MBD1: variants seen among roughly 807,000 people sequenced by gnomAD.
MBD1 encodes the protein methyl-CpG binding domain protein 1.
Under a neutral mutation model 82.6 loss-of-function variants are expected in MBD1, and 25 were observed. The ratio of observed to expected loss-of-function variants is 0.30; its 90% CI spans 0.22 to 0.42. The LOEUF (loss-of-function observed/expected upper bound fraction) is 0.42, where lower values mean the gene tolerates loss of function less well. MBD1 is among the 10% of genes least tolerant of loss of function. The pLI is 1.00. For synonymous variants in MBD1, 301 were observed against 303.7 expected (o/e 0.99, Z 0.09); for missense variants, 627 against 819.6 (o/e 0.76, Z 2.87).
chr18:50,271,406 A>G, intron 16 of MBD1, 63 bp downstream of exon 16: 2 of 1,612,980 alleles, frequency 1.2e-6, no homozygotes, highest in East Asian at 2.2e-5. Flanking sequence ...CTGGCAACCA[A>G]TCTAGGGTCC....
intron 1 of MBD1, chr18:50,281,071 C>T: frequency 5.5e-6 from 7 of 1,278,310 alleles, no homozygotes; most frequent in South Asian, 1.3e-5. Flanking sequence ...ACCCCCATTT[C>T]TCTCTCAACT....
At chr18:50,279,311 T>C (rs2039307319) in intron 2 of MBD1, among the ~76,000 whole-genome samples, 1 of 152,240 alleles carries the variant, frequency 6.6e-6, no homozygotes, top group South Asian at 2.1e-4. Context: ...CTGAAGCAGC[T>C]TTGTGCACAT....
Position 50,272,838 on chromosome 18 carries a change from C to G in MBD1, c.1702G>C (p.Ala568Pro), listed in dbSNP as rs1374052903. 1 of 1,614,252 alleles carries G rather than the reference C, an allele frequency of 6.2e-7. No homozygotes were observed. The highest frequency in any genetic ancestry group is 1.7e-5 in the Admixed American group (1 of 60,032). Residue 568 changes from alanine (A) to proline (P), a missense_variant, in exon 14 of 17, where the codon GCT becomes CCT. Ala to Pro is a conservative substitution (Grantham distance 27, BLOSUM62 -1). This residue lies in a region of MBD1 where 265 missense variants were observed against 278.4 expected (regional missense o/e 0.95). Coordinates refer to ENST00000269468, the MANE Select transcript of MBD1 (RefSeq NM_015846.4). ...CCAGCACTGACCACGGGTGTGCCAGCCCCTCCTGCCTCTTCCTCTGGGGCC... is the reference window on the plus strand; with the variant it reads ...CCAGCACTGACCACGGGTGTGCCAGGCCCTCCTGCCTCTTCCTCTGGGGCC... ...KLAPEEEAGG[A>P]GTPVITEIFS...
chr18:50,271,341 G>A (rs986322276), intron 16 of MBD1, 128 bp downstream of exon 16: 3 of 1,575,890 alleles, frequency 1.9e-6, no homozygotes, highest in Admixed American at 3.7e-5. Context: ...TCTTAGGCCT[G>A]CTCTTCTGGT....
intron 8 of MBD1, 44 bp from the exon 9 acceptor site, chr18:50,275,289 G>A (rs761530918): frequency 6.8e-6 from 11 of 1,610,040 alleles, no homozygotes; most frequent in South Asian, 1.1e-5. Flanking sequence ...GTGGCACCAG[G>A]CAGACACAGA....
chr18:50,274,595 T>C (rs2036985683), intron 10 of MBD1, among the ~76,000 whole-genome samples: 1 of 152,158 alleles, frequency 6.6e-6, no homozygotes, highest in Non-Finnish European at 1.5e-5. Context: ...CACTACAGTA[T>C]CCACTGCTGT....
intron 6 of MBD1, 47 bp from the exon 7 acceptor site, chr18:50,276,028 C>G (rs140688): frequency 8.1e-5 from 129 of 1,590,546 alleles, no homozygotes; most frequent in Middle Eastern, 6.7e-4. Flanking sequence ...TCCAGAAGCA[C>G]TGGTCCTCCC....
upstream of MBD1, chr18:50,281,707 G>C (rs547131653): frequency 7.3e-6 from 3 of 409,810 alleles, no homozygotes; most frequent in African/African-American, 4.1e-5. Context: ...TTCAACGACA[G>C]CTAACCCCTT....
At chr18:50,276,455 G>T in intron 5 of MBD1, 37 bp from the exon 6 acceptor site, 1 of 1,606,022 alleles carries the variant, frequency 6.2e-7, no homozygotes. Context: ...AAGTGGAAAG[G>T]AAGCAACAGA....
rs113750569 is a variant in MBD1 at position 50,278,027 on chromosome 18, C to A, written c.111-823G>T. ...AAGTTCCCCAGTGGATGCCTGAAAC[C>A]GTGGATAGTACCAAACCCTAATGTA... is the stretch of plus-strand genomic sequence containing the variant. On this transcript the variant is annotated intron_variant, in intron 2 of 16. Transcript: ENST00000269468. Among the ~76,000 whole-genome samples the A allele has an allele frequency of 4.6e-5, 7 of 152,288 alleles. No homozygotes were observed. In the South Asian group the frequency reaches 1.4e-3, roughly 32 times the overall value.
At chr18:50,281,019 A>G (rs1270783855) in intron 1 of MBD1, 9 of 702,010 alleles carry the variant, frequency 1.3e-5, no homozygotes, top group Admixed American at 1.1e-4. Context: ...TTCTCCTGTC[A>G]TCAGCCTGAG....
At chr18:50,279,323 T>A (rs1166664488) in intron 2 of MBD1, among the ~76,000 whole-genome samples, 1 of 152,234 alleles carries the variant, frequency 6.6e-6, no homozygotes, top group African/African-American at 2.4e-5. Context: ...TGTGCACATA[T>A]TGGCAAATTT....
downstream of MBD1, chr18:50,267,465 G>A: frequency 1.5e-6 from 1 of 660,600 alleles, no homozygotes; most frequent in Admixed American, 2.2e-5. Flanking sequence ...TGGGGCAGTG[G>A]CACGACCTGG....
chr18:50,275,362 G>A (rs2037370569), intron 8 of MBD1, 117 bp from the exon 9 acceptor site: 7 of 1,611,618 alleles, frequency 4.3e-6, no homozygotes, highest in African/African-American at 1.3e-5. Context: ...GTGGCGTGAG[G>A]CACTCACAGT....
At position 50,279,885 on chromosome 18, in the gene MBD1, C is replaced by A; in HGVS notation, c.108G>T (p.Gln36His). 6.2e-7 allele frequency: 1 copy of A among 1,614,032 alleles called. No homozygotes were observed. The highest frequency in any genetic ancestry group is 1.1e-5 in the South Asian group (1 of 91,084). ...TCTGCCCACTACCCACCCAGTACCT[C>A]TGGTAATAGGTGTCTGAGCGTCCAC... The part of the protein sequence containing the change: ...ATCGRSDTYY[Q>H]SPTGDRIRSK... The change falls in exon 2 of 17, where the codon CAG (glutamine) becomes CAT (histidine). Residue 36 changes from glutamine (Q) to histidine (H), a missense_variant and splice_region_variant. Gln to His is a conservative substitution (Grantham distance 24). Around this residue, in one of 6 missense-constraint regions of MBD1, gnomAD observed 42 missense variants for 90.4 expected, o/e 0.46. Transcript: ENST00000269468.
chr18:50,279,676 G>A (rs1264391685), intron 2 of MBD1: 8 of 634,460 alleles, frequency 1.3e-5, no homozygotes, highest in Non-Finnish European at 2.1e-5. Flanking sequence ...ACGTATTCTT[G>A]AATAATCACA....
At chr18:50,276,260 G>T in intron 6 of MBD1, 118 bp downstream of exon 6, 1 of 1,076,466 alleles carries the variant, frequency 9.3e-7, no homozygotes. Flanking sequence ...CCTATGGAGA[G>T]CACCCTATAA....
chr18:50,278,673 T>C (rs1195260303), intron 2 of MBD1, among the ~76,000 whole-genome samples: 1 of 152,188 alleles, frequency 6.6e-6, no homozygotes, highest in African/African-American at 2.4e-5. Flanking sequence ...CACATGTAAA[T>C]GCTTATAAAC....
downstream of MBD1, chr18:50,267,697 C>A: frequency 2.7e-6 from 4 of 1,470,512 alleles, no homozygotes; most frequent in East Asian, 4.9e-5. Context: ...CTGTGATACT[C>A]CCATTCTAAA....
Sources: allele counts gnomAD v4.1 joint callset (sites outside exome capture counted in the v4.1 genomes callset), GRCh38; gene constraint gnomAD v4.1.1; regional missense constraint gnomAD v4.1.1; transcripts MANE v1.5; gene names NCBI Gene and HGNC (gene_info 2026-07-23, HGNC 2026-07-21).